UBR3: variants seen among roughly 807,000 people sequenced by gnomAD.
UBR3 encodes the protein E3 ubiquitin-protein ligase UBR3.
A neutral mutation model predicts 243.2 loss-of-function variants in UBR3; 85 were observed. That is an observed-to-expected ratio of 0.35 (90% CI 0.29 to 0.42). The LOEUF is 0.42. Ranked by LOEUF, UBR3 falls within the 10% of genes least tolerant of loss-of-function variation. UBR3 has a pLI of 1.00. For missense variants in UBR3, 1,686 were observed against 2,300.8 expected, an observed-to-expected ratio of 0.73 and a Z score of 5.47; for synonymous variants, 748 against 799.8, an observed-to-expected ratio of 0.94 and a Z score of 1.09.
At chr2:170,037,198 T>C (rs368755421) in intron 31 of UBR3, among the ~76,000 whole-genome samples, 74 of 152,284 alleles carry the variant, frequency 4.9e-4, no homozygotes, top group African/African-American at 1.6e-3. Context: ...CTTTGTTCTA[T>C]TGAGCTCCAA....
chr2:170,078,129 C>T, intron 36 of UBR3: 1 of 614,878 alleles, frequency 1.6e-6, no homozygotes, highest in East Asian at 3.4e-5. Context: ...ATTTTCTCAG[C>T]ATGGTGCTGT....
intron 24 of UBR3, among the ~76,000 whole-genome samples, chr2:169,965,849 T>C (rs1303964638): frequency 6.6e-6 from 1 of 152,188 alleles, no homozygotes; most frequent in African/African-American, 2.4e-5. Flanking sequence ...AAATCCTAGA[T>C]AAGGGGAGAC....
intron 14 of UBR3, among the ~76,000 whole-genome samples, 193 bp downstream of exon 14, chr2:169,925,940 G>T (rs2085893243): frequency 6.6e-6 from 1 of 152,186 alleles, no homozygotes; most frequent in African/African-American, 2.4e-5. Context: ...CCAGATTTTG[G>T]TCAAGAGGCA....
rs981427469 is a variant in UBR3 at position 169,993,145 on chromosome 2, A to G, written c.3785-1178A>G. Among the ~76,000 whole-genome samples the G allele has an allele frequency of 3.3e-5, 5 of 152,200 alleles. No individual in the cohort carries two copies. In the South Asian group the frequency reaches 1.0e-3, roughly 32 times the overall value. ...GTAACATCAAATACTGTTTATATTC[A>G]GATTCTCTCAGTTGTCCCTGCAATA... On this transcript the variant is annotated intron_variant, in intron 25 of 38. Transcript: ENST00000272793.
chr2:170,040,530 T>G (rs956133098), intron 31 of UBR3, among the ~76,000 whole-genome samples: 13 of 152,228 alleles, frequency 8.5e-5, no homozygotes, highest in Non-Finnish European at 1.6e-4. Context: ...GTGATAAGTA[T>G]CCTATAAGCC....
At chr2:169,873,646 C>A (rs191773198) in intron 2 of UBR3, among the ~76,000 whole-genome samples, 4 of 152,180 alleles carry the variant, frequency 2.6e-5, no homozygotes, top group Admixed American at 2.6e-4. Flanking sequence ...ACACTCCAGT[C>A]TGGGTGACAG....
chr2:169,852,878 A>AC (rs2082710399), intron 1 of UBR3, among the ~76,000 whole-genome samples: 1 of 70,992 alleles, frequency 1.4e-5, no homozygotes, highest in African/African-American at 3.5e-5. Context: ...AAAAAAAAAA[A>AC]CAAAACCAAA....
At chr2:169,882,006 A>G (rs1353573253) in intron 5 of UBR3, among the ~76,000 whole-genome samples, 1 of 126,172 alleles carries the variant, frequency 7.9e-6, no homozygotes, top group Non-Finnish European at 1.6e-5. Flanking sequence ...TTTATATAAT[A>G]TATAATATGT....
In UBR3 at chr2:169,949,743, G is replaced by C. The variant is rs777965602; in HGVS notation, c.3223G>C (p.Ala1075Pro). 50 of 1,551,516 alleles carry C rather than the reference G, an allele frequency of 3.2e-5. No homozygotes were observed. Among genetic ancestry groups the C allele is most frequent in the Non-Finnish European group, 4.3e-5 (49 of 1,146,796 alleles). ...TSSKWSAPGSAPQLTTAILEI... is the reference protein window; with the variant it reads ...TSSKWSAPGSPPQLTTAILEI... ...AAGTAAATGGTCTGCTCCTGGTTCAGCTCCACAGTTAACTACAGCCATTTT... is the reference window on the plus strand; with the variant it reads ...AAGTAAATGGTCTGCTCCTGGTTCACCTCCACAGTTAACTACAGCCATTTT... The change falls in exon 23 of 39, where the codon GCT (alanine) becomes CCT (proline). Residue 1075 changes from alanine to proline, a missense_variant. Around this residue, in one of 8 missense-constraint regions of UBR3, gnomAD observed 300 missense variants for 314.4 expected, o/e 0.95. Coordinates refer to ENST00000272793, the MANE Select transcript of UBR3 (RefSeq NM_172070.4).
chr2:169,939,617 G>C (rs568489763), intron 19 of UBR3, among the ~76,000 whole-genome samples: 1 of 151,102 alleles, frequency 6.6e-6, no homozygotes, highest in South Asian at 2.1e-4. Context: ...AGGCTGGTGT[G>C]TAGTGGTGCA....
intron 35 of UBR3, among the ~76,000 whole-genome samples, chr2:170,069,382 T>A (rs1057126423): frequency 5.3e-5 from 8 of 152,148 alleles, no homozygotes; most frequent in African/African-American, 1.9e-4. Flanking sequence ...TATGTATACA[T>A]TGTATATGAT....
intron 35 of UBR3, among the ~76,000 whole-genome samples, chr2:170,061,760 A>G (rs980190561): frequency 6.6e-6 from 1 of 152,154 alleles, no homozygotes; most frequent in African/African-American, 2.4e-5. Flanking sequence ...GAGCCACCGC[A>G]CTAGCCAAGC....
At chr2:170,034,411 C>T (rs963655806) in intron 31 of UBR3, among the ~76,000 whole-genome samples, 1 of 151,978 alleles carries the variant, frequency 6.6e-6, no homozygotes, top group African/African-American at 2.4e-5. Context: ...TCCGGAATGT[C>T]ATATAGTTAG....
intron 30 of UBR3, among the ~76,000 whole-genome samples, chr2:170,019,965 G>A (rs1227336678): frequency 2.6e-5 from 4 of 152,036 alleles, no homozygotes; most frequent in Non-Finnish European, 5.9e-5. Context: ...TTTCTTTGTA[G>A]AGATGGGGTC....
At chr2:169,871,401 C>T (rs1210210694) in intron 1 of UBR3, among the ~76,000 whole-genome samples, 1 of 150,318 alleles carries the variant, frequency 6.7e-6, no homozygotes, top group Non-Finnish European at 1.5e-5. Context: ...CAAAGCGAGA[C>T]CCTGTCTTTA....
intron 20 of UBR3, among the ~76,000 whole-genome samples, chr2:169,943,524 C>G (rs1013352367): frequency 3.3e-5 from 5 of 152,112 alleles, no homozygotes; most frequent in African/African-American, 4.8e-5. Context: ...TTGCTTGAAC[C>G]CGGGAGGTGG....
intron 1 of UBR3, among the ~76,000 whole-genome samples, chr2:169,869,521 G>C (rs2083372373): frequency 6.6e-6 from 1 of 152,084 alleles, no homozygotes; most frequent in Admixed American, 6.5e-5. Flanking sequence ...ACCTCACCCA[G>C]CAGATTGATA....
At chr2:170,074,972 G>C (rs981063611) in intron 36 of UBR3, among the ~76,000 whole-genome samples, 1 of 152,104 alleles carries the variant, frequency 6.6e-6, no homozygotes, top group Non-Finnish European at 1.5e-5. Context: ...GAAATAGAAC[G>C]TATTAAAGGG....
intron 29 of UBR3, chr2:170,013,828 T>G (rs1386685864): frequency 2.2e-6 from 1 of 447,512 alleles, no homozygotes; most frequent in Non-Finnish European, 4.7e-6. Context: ...TAGCCATTAA[T>G]TTTTTTCTAC....
Sources: allele counts gnomAD v4.1 joint callset (sites outside exome capture counted in the v4.1 genomes callset), GRCh38; gene constraint gnomAD v4.1.1; regional missense constraint gnomAD v4.1.1; transcripts MANE v1.5; gene names NCBI Gene and HGNC (gene_info 2026-07-23, HGNC 2026-07-21).